Variants in COL21A1 observed in about 807,000 individuals in gnomAD.
The protein encoded by COL21A1 is collagen type XXI alpha 1 chain.
In COL21A1, 149 loss-of-function variants were observed where a neutral mutation model predicts 137.9. That is an observed-to-expected ratio of 1.08 (90% confidence interval 0.95 to 1.24). The LOEUF is 1.24. Among genes scored for constraint, COL21A1 ranks in the 50% most tolerant of loss-of-function variants. COL21A1 has a pLI of 0.00. For synonymous variants in COL21A1, 456 were observed against 391.5 expected (o/e 1.16, Z -1.95); for missense variants, 1,167 against 1,158.4 (o/e 1.01, Z -0.11).
chr6:56,278,728 T>A (rs1208539093), intron 1 of COL21A1, among the ~76,000 whole-genome samples: 9 of 152,210 alleles, frequency 5.9e-5, no homozygotes, highest in Admixed American at 5.9e-4. Flanking sequence ...ATGGCAGCAA[T>A]TTCCCCATGT....
chr6:56,325,670 TTATA>T (rs1277516774), intron 1 of COL21A1, among the ~76,000 whole-genome samples: 2 of 534 alleles, frequency 3.7e-3, no homozygotes, highest in African/African-American at 4.0e-3. Context: ...ATTAAATATA[TTATA>T]TATAATAGAT....
chr6:56,163,819 A>G (rs1203699651), intron 9 of COL21A1, among the ~76,000 whole-genome samples: 1 of 152,224 alleles, frequency 6.6e-6, no homozygotes, highest in Admixed American at 6.5e-5. Context: ...GGCTCCGATC[A>G]TATAAAAATG....
chr6:56,390,377 A>G (rs1316898131), intron 1 of COL21A1, among the ~76,000 whole-genome samples: 5 of 152,168 alleles, frequency 3.3e-5, no homozygotes, highest in African/African-American at 9.7e-5. Flanking sequence ...ACATACTACC[A>G]GAGAAAATCA....
rs767901816 is a variant in COL21A1, at chr6:56,125,566, C to T, written c.1650+1G>A. On this transcript the variant is annotated splice_donor_variant, in intron 14 of 29. Coordinates refer to ENST00000244728, the MANE Select transcript of COL21A1 (RefSeq NM_030820.4). LOFTEE classifies it high-confidence loss of function. ...TACTTTGTTGTGTGATCTATACTTC[C>T]CTTTTTGCCATAAAATCCAGGTGAT... The T allele has an allele frequency of 1.3e-6, 2 of 1,598,958 alleles. No homozygotes were observed. Among genetic ancestry groups the T allele is most frequent in the South Asian group, 1.1e-5 (1 of 89,138 alleles).
rs1430985926 is a variant in COL21A1, at chr6:56,074,207, G to A, written c.1965+25C>T. 3 of 1,538,654 alleles carry A rather than the reference G, an allele frequency of 1.9e-6. 1 individual carries two copies. The South Asian group carries it at 3.7e-5, about 19-fold the overall frequency. ...CCACTGTGATTATACAAAGTTCCCA[G>A]TCTTGTTTATTTTATCATATTTACC... On this transcript the variant is annotated intron_variant, in intron 20 of 29. Coordinates refer to ENST00000244728, the MANE Select transcript of COL21A1 (RefSeq NM_030820.4).
At chr6:56,071,299 GTTCT>G (rs1766731576) in intron 20 of COL21A1, among the ~76,000 whole-genome samples, 1 of 151,698 alleles carries the variant, frequency 6.6e-6, no homozygotes. Flanking sequence ...TTCCAGTGCA[GTTCT>G]TTCTAACAGA....
intron 1 of COL21A1, among the ~76,000 whole-genome samples, chr6:56,377,708 G>A (rs1252296370): frequency 6.6e-6 from 1 of 152,072 alleles, no homozygotes; most frequent in East Asian, 1.9e-4. Context: ...GTGGATTGAG[G>A]AGGCACACAA....
intron 1 of COL21A1, among the ~76,000 whole-genome samples, chr6:56,202,527 C>A (rs761566186): frequency 2.6e-5 from 4 of 152,176 alleles, no homozygotes; most frequent in Non-Finnish European, 5.9e-5. Flanking sequence ...TTTTCTACTT[C>A]CAGCATCTCT....
intron 1 of COL21A1, among the ~76,000 whole-genome samples, chr6:56,265,579 TA>T (rs551687139): frequency 0.01 from 938 of 92,238 alleles, 13 homozygotes; most frequent in African/African-American, 0.027. Context: ...GCAAATGCTG[TA>T]GGTGTCATCA....
intron 1 of COL21A1, among the ~76,000 whole-genome samples, chr6:56,388,875 C>T (rs773024334): frequency 6.6e-5 from 10 of 151,980 alleles, no homozygotes; most frequent in South Asian, 4.2e-4. Flanking sequence ...GGAAGCTCAG[C>T]GAATTTCAAG....
At chr6:56,328,851 T>C (rs1403468015) in intron 1 of COL21A1, among the ~76,000 whole-genome samples, 1 of 151,994 alleles carries the variant, frequency 6.6e-6, no homozygotes, top group East Asian at 1.9e-4. Flanking sequence ...AGACGGTCAT[T>C]TTGGGGGTGC....
At chr6:56,148,619 A>G (rs759745298) in intron 10 of COL21A1, among the ~76,000 whole-genome samples, 19 of 152,154 alleles carry the variant, frequency 1.2e-4, no homozygotes, top group Admixed American at 4.6e-4. Context: ...TGTTGAGTCC[A>G]CAACTGGCAC....
At chr6:56,347,454 A>G (rs1765620381) in intron 1 of COL21A1, among the ~76,000 whole-genome samples, 1 of 151,620 alleles carries the variant, frequency 6.6e-6, no homozygotes, top group Non-Finnish European at 1.5e-5. Flanking sequence ...CAGCCTTCAA[A>G]CAATACAGTT....
intron 10 of COL21A1, among the ~76,000 whole-genome samples, chr6:56,146,091 C>G (rs6935986): frequency 0.026 from 4,020 of 152,192 alleles, 104 homozygotes; most frequent in Middle Eastern, 0.068. Flanking sequence ...TAAATATACA[C>G]ATTTTTGCAA....
intron 10 of COL21A1, among the ~76,000 whole-genome samples, chr6:56,151,796 C>T (rs1775347045): frequency 6.6e-6 from 1 of 152,192 alleles, no homozygotes; most frequent in Non-Finnish European, 1.5e-5. Flanking sequence ...CCACCCACAC[C>T]TACCCACTCC....
At chr6:56,094,883 T>C (rs181694206) in intron 17 of COL21A1, among the ~76,000 whole-genome samples, 1 of 152,298 alleles carries the variant, frequency 6.6e-6, no homozygotes, top group East Asian at 1.9e-4. Flanking sequence ...TTCAACTGAC[T>C]GGTTCATGCC....
intron 1 of COL21A1, among the ~76,000 whole-genome samples, chr6:56,298,020 A>C (rs750960173): frequency 6.6e-6 from 1 of 151,910 alleles, no homozygotes; most frequent in Non-Finnish European, 1.5e-5. Context: ...AACACTTAAG[A>C]GTTGTGTCAG....
chr6:56,363,284 T>C (rs1766017392), intron 1 of COL21A1, among the ~76,000 whole-genome samples: 1 of 152,316 alleles, frequency 6.6e-6, no homozygotes, highest in Admixed American at 6.5e-5. Flanking sequence ...GTAATAAGTA[T>C]CATGTGTATG....
intron 3 of COL21A1, among the ~76,000 whole-genome samples, chr6:56,173,657 T>A (rs917492961): frequency 2.0e-5 from 3 of 151,996 alleles, no homozygotes; most frequent in Non-Finnish European, 2.9e-5. Context: ...CAGGAAGATA[T>A]AATAATTATG....
Sources: allele counts gnomAD v4.1 joint callset (sites outside exome capture counted in the v4.1 genomes callset), GRCh38; gene constraint gnomAD v4.1.1; transcripts MANE v1.5; gene names NCBI Gene and HGNC (gene_info 2026-07-23, HGNC 2026-07-21).